Variants in ZC3H11A observed in about 807,000 individuals in gnomAD.
The protein encoded by ZC3H11A is zinc finger CCCH domain-containing protein 11A.
A neutral mutation model predicts 90.8 loss-of-function variants in ZC3H11A; 22 were observed. That is an observed-to-expected ratio of 0.24 (90% CI 0.17 to 0.35). The LOEUF (loss-of-function observed/expected upper bound fraction) is 0.35, where lower values mean the gene tolerates loss of function less well. Ranked by LOEUF, ZC3H11A falls within the 10% of genes least tolerant of loss-of-function variation. The pLI is 1.00. For missense variants in ZC3H11A, 701 were observed against 964.9 expected (o/e 0.73, Z 3.62); for synonymous variants, 294 against 339.8 (o/e 0.87, Z 1.48).
intron 1 of ZC3H11A, chr1:203,797,732 T>G: frequency 6.5e-7 from 1 of 1,535,080 alleles, no homozygotes; most frequent in African/African-American, 1.4e-5. Flanking sequence ...GTTTGCGAAT[T>G]AAGGGGAAAA....
intron 1 of ZC3H11A, chr1:203,796,578 C>T (rs1422015289): frequency 5.0e-6 from 2 of 397,720 alleles, no homozygotes; most frequent in Non-Finnish European, 8.9e-6. Flanking sequence ...GGCTGTGGAA[C>T]TAGAGATAGC....
intron 2 of ZC3H11A, among the ~76,000 whole-genome samples, chr1:203,803,885 G>A (rs960530629): frequency 2.0e-5 from 3 of 152,184 alleles, no homozygotes; most frequent in East Asian, 3.9e-4. Context: ...GATTACAGGT[G>A]TGAGCCACCA....
chr1:203,815,216 C>CTTTTCTTTTCT (rs1553261508), intron 2 of ZC3H11A, among the ~76,000 whole-genome samples: 1 of 97,154 alleles, frequency 1.0e-5, no homozygotes, highest in African/African-American at 3.9e-5. Context: ...CTTTTCTTTT[C>CTTTTCTTTTCT]TTTTTTTTTT....
At chr1:203,834,116 C>A in intron 10 of ZC3H11A, 1 of 1,126,650 alleles carries the variant, frequency 8.9e-7, no homozygotes, top group Non-Finnish European at 1.1e-6. Context: ...AAGAACACCT[C>A]TATTTCTCTG....
At chr1:203,851,891 C>T (rs913262393) in intron 17 of ZC3H11A, among the ~76,000 whole-genome samples, 5 of 146,124 alleles carry the variant, frequency 3.4e-5, no homozygotes, top group African/African-American at 1.3e-4. Flanking sequence ...ATCGCTTGAG[C>T]CCAGGAGGTC....
Position 203,840,246 on chromosome 1 carries a change from AT to A in ZC3H11A, c.974-57del, listed in dbSNP as rs1211724242. 430 of 1,548,562 alleles carry A rather than the reference AT, an allele frequency of 2.8e-4. 2 individuals carry two copies. The highest frequency in any genetic ancestry group is 9.1e-4 in the South Asian group (81 of 89,232). Reference sequence around the variant, plus strand: ...ATGCCACCATGCCCAGCAAACCTGTATTTAAGCTGTAAAAAGTTTCTGTTCA... The same window carrying A: ...ATGCCACCATGCCCAGCAAACCTGTATTAAGCTGTAAAAAGTTTCTGTTCA... On this transcript the variant is annotated intron_variant, in intron 11 of 17. Transcript: ENST00000367210.
At chr1:203,834,683 T>A (rs1194230283) in intron 10 of ZC3H11A, among the ~76,000 whole-genome samples, 1 of 152,106 alleles carries the variant, frequency 6.6e-6, no homozygotes, top group Non-Finnish European at 1.5e-5. Flanking sequence ...AGAGTCTTGC[T>A]CTGTCGCCCA....
At chr1:203,798,432 T>TC (rs1306819610) in intron 1 of ZC3H11A, 1 of 1,535,366 alleles carries the variant, frequency 6.5e-7, no homozygotes, top group Non-Finnish European at 8.7e-7. Flanking sequence ...CTTAGGGACT[T>TC]CAACACTTCA....
intron 12 of ZC3H11A, among the ~76,000 whole-genome samples, chr1:203,846,200 A>G (rs1377135914): frequency 6.6e-6 from 1 of 151,156 alleles, no homozygotes; most frequent in African/African-American, 2.4e-5. Flanking sequence ...CAGTGATTAC[A>G]TATATATGTG....
Position 203,799,087 on chromosome 1 carries a change from G to C in ZC3H11A, c.-1587-2488G>C, listed in dbSNP as rs1057469126. On this transcript the variant is annotated intron_variant, in intron 1 of 17. Coordinates refer to ENST00000367210, the MANE Select transcript of ZC3H11A (RefSeq NM_001376342.1). ...GGCAGGATCCCCGATTTTAGAAAGT[G>C]GGCAGTGCTTTGTGTTACAGGTTTG... is the stretch of plus-strand genomic sequence containing the variant. The C allele has an allele frequency of 2.6e-6, 4 of 1,535,958 alleles. No homozygotes were observed. The African/African-American group carries it at 5.5e-5, about 21-fold the overall frequency.
intron 1 of ZC3H11A, chr1:203,800,680 T>G (rs1670290883): frequency 7.4e-6 from 3 of 403,658 alleles, no homozygotes; most frequent in Non-Finnish European, 1.3e-5. Context: ...AAATTTTGCT[T>G]ATACCAATGA....
intron 4 of ZC3H11A, among the ~76,000 whole-genome samples, chr1:203,820,487 T>TGTGTGTGTGTGTG (rs1553263519): frequency 2.0e-5 from 3 of 152,044 alleles, no homozygotes; most frequent in Non-Finnish European, 4.4e-5. Flanking sequence ...TGTGTGTATA[T>TGTGTGTGTGTGTG]TTTGAGTTGA....
At chr1:203,837,641 T>A (rs1401782657) in intron 10 of ZC3H11A, among the ~76,000 whole-genome samples, 1 of 151,988 alleles carries the variant, frequency 6.6e-6, no homozygotes, top group African/African-American at 2.4e-5. Context: ...TGCCTGACTA[T>A]TTTTTATTTT....
intron 2 of ZC3H11A, among the ~76,000 whole-genome samples, chr1:203,809,300 C>T (rs1189250830): frequency 2.0e-5 from 3 of 151,554 alleles, no homozygotes; most frequent in African/African-American, 7.3e-5. Flanking sequence ...CTCAGCCTCC[C>T]GAGTAACTGG....
chr1:203,797,618 TATTA>T (rs1280604339), intron 1 of ZC3H11A: 9 of 1,535,906 alleles, frequency 5.9e-6, no homozygotes, highest in Admixed American at 3.9e-5. Flanking sequence ...GATGTGTTCC[TATTA>T]ATTCTAATAC....
chr1:203,841,259 T>C (rs1446923786), intron 12 of ZC3H11A, among the ~76,000 whole-genome samples: 1 of 151,654 alleles, frequency 6.6e-6, no homozygotes, highest in Admixed American at 6.6e-5. Flanking sequence ...CAGATAAACA[T>C]GTGAACAAGG....
intron 2 of ZC3H11A, among the ~76,000 whole-genome samples, chr1:203,814,335 C>A (rs1234634880): frequency 6.6e-6 from 1 of 152,096 alleles, no homozygotes; most frequent in East Asian, 1.9e-4. Flanking sequence ...ACCAGCCTGG[C>A]CAACATGGCG....
chr1:203,813,515 A>G (rs1675219036), intron 2 of ZC3H11A, among the ~76,000 whole-genome samples: 1 of 152,126 alleles, frequency 6.6e-6, no homozygotes, highest in Non-Finnish European at 1.5e-5. Context: ...TTCCAGTAAC[A>G]TATGTTGAAA....
chr1:203,819,786 G>T (rs894643420), intron 4 of ZC3H11A, among the ~76,000 whole-genome samples: 4 of 149,198 alleles, frequency 2.7e-5, no homozygotes, highest in Admixed American at 2.7e-4. Flanking sequence ...CACTTGCCTC[G>T]GCCTCCCAAA....
Sources: allele counts gnomAD v4.1 joint callset (sites outside exome capture counted in the v4.1 genomes callset), GRCh38; gene constraint gnomAD v4.1.1; transcripts MANE v1.5; gene names NCBI Gene and HGNC (gene_info 2026-07-23, HGNC 2026-07-21).